PCDHA2: variants seen among roughly 807,000 people sequenced by gnomAD.
PCDHA2 encodes protocadherin alpha 2.
Under a neutral mutation model 66.0 loss-of-function variants are expected in PCDHA2, and 58 were observed. The ratio of observed to expected loss-of-function variants is 0.88; its 90% CI spans 0.71 to 1.09. The LOEUF (loss-of-function observed/expected upper bound fraction) is 1.09. Among genes scored for constraint, PCDHA2 ranks in the 50% least tolerant of loss-of-function variants. The pLI is 0.00. For synonymous variants in PCDHA2, 634 were observed against 554.0 expected, an observed-to-expected ratio of 1.14 and a Z score of -2.03; for missense variants, 1,267 against 1,242.3, an observed-to-expected ratio of 1.02 and a Z score of -0.30.
intron 1 of PCDHA2, chr5:140,804,151 A>G (rs1053300158): frequency 1.3e-5 from 2 of 152,448 alleles, no homozygotes; most frequent in African/African-American, 2.4e-5. Context: ...TGGAGTCTCA[A>G]TCCTTATTTT....
At chr5:140,962,930 C>A (rs2095720492) in intron 1 of PCDHA2, among the ~76,000 whole-genome samples, 1 of 152,144 alleles carries the variant, frequency 6.6e-6, no homozygotes, top group South Asian at 2.1e-4. Flanking sequence ...TACTTCTCAA[C>A]CTCCTCTCCA....
At position 140,856,169 on chromosome 5, in the gene PCDHA2, G is replaced by T. The variant is rs200441286; in HGVS notation, c.2388+58817G>T. ...CTCAGTCTACGAGGAGGCCAGACACGGCACCTTCGTGGGCCGCATCGCGCA... is the reference window on the plus strand; with the variant it reads ...CTCAGTCTACGAGGAGGCCAGACACTGCACCTTCGTGGGCCGCATCGCGCA... On this transcript the variant is annotated intron_variant, in intron 1 of 3. Transcript: ENST00000526136. 11 of 1,598,346 alleles carry T rather than the reference G, an allele frequency of 6.9e-6. 2 individuals are homozygous for T. Among genetic ancestry groups the T allele is most frequent in the Admixed American group, 1.7e-5 (1 of 59,282 alleles).
At chr5:140,807,461 C>A (rs1554124029) in intron 1 of PCDHA2, 3 of 1,608,438 alleles carry the variant, frequency 1.9e-6, no homozygotes, top group East Asian at 2.2e-5. Flanking sequence ...TCGGATCGAC[C>A]GGGAGGAGCT....
intron 1 of PCDHA2, chr5:140,829,711 G>C (rs2150173108): frequency 2.5e-5 from 41 of 1,613,342 alleles, no homozygotes; most frequent in South Asian, 8.8e-5. Context: ...CGCGCGACGC[G>C]GGCGTGCCGC....
At chr5:140,899,460 T>G (rs2153464035) in intron 1 of PCDHA2, among the ~76,000 whole-genome samples, 1 of 152,380 alleles carries the variant, frequency 6.6e-6, no homozygotes, top group East Asian at 1.9e-4. Context: ...ATGTGGTTTT[T>G]GTCTTTGGTT....
Position 140,797,106 on chromosome 5 carries a change from G to A in PCDHA2, c.2142G>A (p.Thr714=). 6.2e-7 allele frequency: 1 copy of A among 1,614,000 alleles called. No homozygotes were observed. Residue 714 remains threonine (T), a synonymous_variant, in exon 1 of 4, where the codon ACG becomes ACA. Transcript: ENST00000526136. The part of the protein sequence containing the change: ...ICAVSSLLVL[T]VLLYTALRCS... ...CGGTATCCAGCCTGTTGGTGCTCAC[G>A]GTGCTGCTGTACACTGCGCTGCGGT...
chr5:140,879,879 G>A lies in PCDHA2; in HGVS notation c.2388+82527G>A, dbSNP rs564256513. Among the ~76,000 whole-genome samples the A allele has an allele frequency of 4.6e-5, 7 of 152,240 alleles. No individual in the cohort carries two copies. In the South Asian group the frequency reaches 1.5e-3, roughly 32 times the overall value. On this transcript the variant is annotated intron_variant, in intron 1 of 3. Coordinates refer to ENST00000526136, the MANE Select transcript of PCDHA2 (RefSeq NM_018905.3). ...CCTTCTCAGCTTTCATGGTCACATT[G>A]CCTCCTCCTCTCCATGTCTCTCTCT... is the stretch of plus-strand genomic sequence containing the variant.
intron 3 of PCDHA2, among the ~76,000 whole-genome samples, chr5:140,986,642 T>C (rs1213431039): frequency 6.6e-6 from 1 of 152,174 alleles, no homozygotes; most frequent in Non-Finnish European, 1.5e-5. Flanking sequence ...ACATTAGTTT[T>C]AGAGTGGGAG....
intron 1 of PCDHA2, among the ~76,000 whole-genome samples, chr5:140,892,881 A>G (rs1562868071): frequency 6.6e-6 from 1 of 152,120 alleles, no homozygotes. Context: ...TTTCGTATCC[A>G]TTAACCAACC....
chr5:140,883,391 T>C (rs1301270294), intron 1 of PCDHA2: 8 of 1,614,052 alleles, frequency 5.0e-6, no homozygotes, highest in Non-Finnish European at 6.8e-6. Flanking sequence ...AATCAGTGTG[T>C]CCGATCGTGA....
intron 1 of PCDHA2, among the ~76,000 whole-genome samples, chr5:140,961,085 T>C (rs1406733516): frequency 1.3e-5 from 2 of 152,230 alleles, no homozygotes; most frequent in East Asian, 3.8e-4. Flanking sequence ...CAAGTAATTG[T>C]TGACTTTTTG....
At chr5:140,982,650 CTCTTTT>C (rs2096993978) in intron 3 of PCDHA2, 87 bp downstream of exon 3, 1 of 1,507,000 alleles carries the variant, frequency 6.6e-7, no homozygotes, top group South Asian at 1.3e-5. Context: ...ATGTTGATGG[CTCTTTT>C]TCTTTTATAT....
intron 1 of PCDHA2, chr5:140,968,908 A>G: frequency 6.2e-7 from 1 of 1,614,182 alleles, no homozygotes; most frequent in Non-Finnish European, 8.5e-7. Context: ...CATTAAGCAC[A>G]GTGTCTTTTA....
chr5:140,933,945 T>A (rs1435633780), intron 1 of PCDHA2, among the ~76,000 whole-genome samples: 1 of 152,084 alleles, frequency 6.6e-6, no homozygotes, highest in Non-Finnish European at 1.5e-5. Flanking sequence ...TTTTCACATC[T>A]GCAGGATCTG....
At chr5:140,895,339 T>C (rs1331642230) in intron 1 of PCDHA2, among the ~76,000 whole-genome samples, 3 of 152,196 alleles carry the variant, frequency 2.0e-5, no homozygotes, top group African/African-American at 4.8e-5. Context: ...ATTGTTTTAC[T>C]ATGCTTTCCA....
intron 1 of PCDHA2, chr5:140,870,482 C>A (rs1298357431): frequency 6.2e-7 from 1 of 1,614,126 alleles, no homozygotes; most frequent in Non-Finnish European, 8.5e-7. Flanking sequence ...CCCGAGTACA[C>A]CGTGTTCGTG....
chr5:140,966,978 G>T lies in PCDHA2; in HGVS notation c.2389-11971G>T, dbSNP rs782662616. The stretch of plus-strand genomic sequence containing the variant: ...CGCGCGCTGGGGCTTGAGCTGCGGC[G>T]CTTGGGGCCGGGTTGCTTGCGCATC... On this transcript the variant is annotated intron_variant, in intron 1 of 3. Transcript: ENST00000526136. 3.1e-6 allele frequency: 5 copies of T among 1,603,218 alleles called. No homozygotes were observed. In the African/African-American group the frequency reaches 5.3e-5, roughly 17 times the overall value.
At chr5:140,821,886 A>T in intron 1 of PCDHA2, 1 of 1,614,246 alleles carries the variant, frequency 6.2e-7, no homozygotes, top group Non-Finnish European at 8.5e-7. Flanking sequence ...TCCCGGAGGA[A>T]GCCAAACACG....
intron 1 of PCDHA2, among the ~76,000 whole-genome samples, chr5:140,913,844 A>G (rs1554196074): frequency 1.3e-5 from 2 of 152,194 alleles, no homozygotes; most frequent in African/African-American, 2.4e-5. Flanking sequence ...CCCACTGGTC[A>G]TTCAGGAGCA....
Sources: allele counts gnomAD v4.1 joint callset (sites outside exome capture counted in the v4.1 genomes callset), GRCh38; gene constraint gnomAD v4.1.1; transcripts MANE v1.5; gene names NCBI Gene and HGNC (gene_info 2026-07-23, HGNC 2026-07-21).